SLC1A7: variants seen among roughly 807,000 people sequenced by gnomAD.
SLC1A7 encodes excitatory amino acid transporter 5.
Under a neutral mutation model 47.7 loss-of-function variants are expected in SLC1A7, and 40 were observed. The ratio of observed to expected loss-of-function variants is 0.84; its 90% CI spans 0.65 to 1.09. The LOEUF is 1.09. SLC1A7 is among the 50% of genes least tolerant of loss of function. The pLI is 0.00. For missense variants in SLC1A7, 746 were observed against 769.5 expected (o/e 0.97, Z 0.36); for synonymous variants, 323 against 325.6 (o/e 0.99, Z 0.09).
At chr1:53,108,913 G>C (rs1359236048) in intron 3 of SLC1A7, among the ~76,000 whole-genome samples, 1 of 152,174 alleles carries the variant, frequency 6.6e-6, no homozygotes, top group African/African-American at 2.4e-5. Context: ...TTTTAATCAA[G>C]AATTATACCT....
At chr1:53,098,072 T>C (rs35024283) in intron 5 of SLC1A7, among the ~76,000 whole-genome samples, 31,042 of 149,018 alleles carry the variant, frequency 0.21, 3,317 homozygotes, top group Middle Eastern at 0.28. Context: ...TTTGCCTTGG[T>C]ACACTCACAC....
chr1:53,114,229 G>A (rs977811010), intron 3 of SLC1A7, among the ~76,000 whole-genome samples: 1 of 152,192 alleles, frequency 6.6e-6, no homozygotes, highest in Non-Finnish European at 1.5e-5. Flanking sequence ...TGGAGAGGGA[G>A]CCTAGGTCTG....
Position 53,092,718 on chromosome 1 carries a change from G to A in SLC1A7, c.867C>T (p.Val289=), listed in dbSNP as rs762214967. The A allele has an allele frequency of 2.5e-6, 4 of 1,614,056 alleles. No homozygotes were observed. The highest frequency in any genetic ancestry group is 2.2e-5 in the East Asian group (1 of 44,872). Residue 289 remains valine (V), a synonymous_variant, in exon 7 of 11, where the codon GTC becomes GTT. Coordinates refer to ENST00000371494, the MANE Select transcript of SLC1A7 (RefSeq NM_006671.6). ...KILEMDDPRA[V]GKKLGFYSVT... is the part of the protein sequence containing the mutation. ...CTGAGTAGAAGCCCAGCTTCTTGCC[G>A]ACGGCCCTGGGGTCGTCCATCTCCA...
chr1:53,098,012 A>G (rs1644519410), intron 5 of SLC1A7, among the ~76,000 whole-genome samples: 1 of 148,820 alleles, frequency 6.7e-6, no homozygotes, highest in Non-Finnish European at 1.5e-5. Flanking sequence ...GTACACTCAC[A>G]AACCCTGCCT....
At chr1:53,137,494 G>T (rs564213381) in intron 1 of SLC1A7, among the ~76,000 whole-genome samples, 1 of 152,190 alleles carries the variant, frequency 6.6e-6, no homozygotes, top group African/African-American at 2.4e-5. Flanking sequence ...TTGATGAGGA[G>T]TTAGTTCTTA....
chr1:53,098,362 G>T (rs1644525493), intron 5 of SLC1A7, among the ~76,000 whole-genome samples: 1 of 140,626 alleles, frequency 7.1e-6, no homozygotes, highest in Admixed American at 7.1e-5. Flanking sequence ...ACCCCACCTT[G>T]GTACACACAT....
At chr1:53,134,580 A>G in intron 1 of SLC1A7, 151 bp from the exon 2 acceptor site, 1 of 542,662 alleles carries the variant, frequency 1.8e-6, no homozygotes. Context: ...CTTTGGAGCC[A>G]CAGAACTGGG....
chr1:53,095,161 C>T (rs1644470952), intron 5 of SLC1A7, among the ~76,000 whole-genome samples: 1 of 152,138 alleles, frequency 6.6e-6, no homozygotes. Context: ...CAGACATGAG[C>T]ACAGGCAGAT....
rs1003284011 is a variant in SLC1A7 at position 53,094,399 on chromosome 1, G to C, written c.698-839C>G. On this transcript the variant is annotated intron_variant, in intron 5 of 10. Coordinates refer to ENST00000371494, the MANE Select transcript of SLC1A7 (RefSeq NM_006671.6). ...GTCCTGAAACAGGGACTGAGTGGCT[G>C]CCCTACCTCCTGGTGAGACCGACGT... Among the ~76,000 whole-genome samples, 4 of 152,336 alleles carry C rather than the reference G, an allele frequency of 2.6e-5. No individual in the cohort carries two copies. In the East Asian group the frequency reaches 7.7e-4, roughly 29 times the overall value.
chr1:53,136,662 ATATATT>A (rs1436657223), intron 1 of SLC1A7, among the ~76,000 whole-genome samples: 1 of 48,696 alleles, frequency 2.1e-5, no homozygotes, highest in African/African-American at 8.0e-5. Flanking sequence ...TTATATATAT[ATATATT>A]TTTTTTTTTT....
At chr1:53,110,548 C>T (rs1020202352) in intron 3 of SLC1A7, among the ~76,000 whole-genome samples, 5 of 152,224 alleles carry the variant, frequency 3.3e-5, no homozygotes, top group Non-Finnish European at 7.4e-5. Context: ...GACTGTGGCA[C>T]GTGTTTCTGA....
intron 5 of SLC1A7, among the ~76,000 whole-genome samples, chr1:53,096,466 A>G (rs1456659912): frequency 2.7e-5 from 4 of 149,156 alleles, no homozygotes; most frequent in Non-Finnish European, 5.9e-5. Context: ...CATTACAATT[A>G]CACACCCCAC....
At chr1:53,094,945 A>G (rs1644468810) in intron 5 of SLC1A7, among the ~76,000 whole-genome samples, 1 of 152,206 alleles carries the variant, frequency 6.6e-6, no homozygotes. Flanking sequence ...GGTTGAGGGA[A>G]CCAAAGAAAG....
chr1:53,099,146 CG>C (rs1644537803), intron 5 of SLC1A7, among the ~76,000 whole-genome samples: 1 of 144,514 alleles, frequency 6.9e-6, no homozygotes, highest in Admixed American at 7.5e-5. Flanking sequence ...TACAGACACA[CG>C]CTGCCTCGGT....
At chr1:53,126,514 A>T (rs2150340918) in intron 2 of SLC1A7, among the ~76,000 whole-genome samples, 1 of 152,294 alleles carries the variant, frequency 6.6e-6, no homozygotes, top group South Asian at 2.1e-4. Context: ...CAGCAAGCAG[A>T]TTTCACCAGT....
Position 53,088,967 on chromosome 1 carries a change from G to A in SLC1A7, c.1374C>T (p.Arg458=). The part of the protein sequence containing the change: ...IAVDWALDRF[R]TMINVLGDAL... ...CATCACCCAGCACGTTAATCATGGT[G>A]CGGAAACGGTCCCTGGTGAGCCAAG... Residue 458 remains arginine, a synonymous_variant, in exon 10 of 11, where the codon CGC becomes CGT. Transcript: ENST00000371494. The A allele has an allele frequency of 6.2e-7, 1 of 1,614,010 alleles. No individual in the cohort carries two copies. Among genetic ancestry groups the A allele is most frequent in the African/African-American group, 1.3e-5 (1 of 75,062 alleles).
intron 2 of SLC1A7, among the ~76,000 whole-genome samples, chr1:53,129,760 C>T (rs1248250024): frequency 7.1e-6 from 1 of 141,174 alleles, no homozygotes; most frequent in Admixed American, 7.2e-5. Context: ...CACTTCTTTA[C>T]ACCTCACCAC....
chr1:53,142,560 G>C lies in SLC1A7; in HGVS notation c.-111C>G, dbSNP rs1023701781. On this transcript the variant is annotated 5_prime_UTR_variant, in exon 1 of 11. Transcript: ENST00000371494. ...CTAGCCCCTCAGCAGGCAGGTGGTC[G>C]GAGTTGCTAAACACCAGTCGCCAGC... The C allele has an allele frequency of 1.5e-6, 2 of 1,312,204 alleles. No homozygotes were observed. The highest frequency in any genetic ancestry group is 1.5e-5 in the African/African-American group (1 of 67,744). The allele number at this position is 1,312,204 out of a possible 1,614,324, so 81.3% of individuals were successfully genotyped here. A position where few individuals can be genotyped will look rare whatever the true frequency, so the allele number is the denominator to read the frequency against.
intron 1 of SLC1A7, among the ~76,000 whole-genome samples, chr1:53,138,256 T>G (rs1645020460): frequency 6.6e-6 from 1 of 152,206 alleles, no homozygotes; most frequent in Admixed American, 6.5e-5. Context: ...CTCCACTTTT[T>G]GGTAATTTCA....
Sources: gnomAD v4.1 joint callset for allele counts (sites outside exome capture counted in the v4.1 genomes callset) on GRCh38, gnomAD v4.1.1 for gene constraint, MANE v1.5 for transcripts, NCBI Gene and HGNC (gene_info 2026-07-23, HGNC 2026-07-21) for gene names.